The following SPHKAP variants were observed in gnomAD, a reference collection of about 807,000 sequenced individuals.
The protein encoded by SPHKAP is SPHK1 interactor, AKAP domain containing, also known as A-kinase anchor protein SPHKAP.
Under a neutral mutation model 137.5 loss-of-function variants are expected in SPHKAP, and 67 were observed. The observed-to-expected ratio is 0.49, with a 90% confidence interval of 0.40 to 0.60. The LOEUF is 0.60. Among genes scored for constraint, SPHKAP ranks in the 20% least tolerant of loss-of-function variants. The probability of loss-of-function intolerance (pLI) is 0.00; values close to 1 mark genes in which losing one functional copy is unlikely to be tolerated. For missense variants in SPHKAP, 2,097 were observed against 2,069.3 expected, an observed-to-expected ratio of 1.01 and a Z score of -0.26; for synonymous variants, 813 against 785.3, an observed-to-expected ratio of 1.04 and a Z score of -0.59.
chr2:228,019,619 G>A lies in SPHKAP; in HGVS notation c.1235C>T (p.Ser412Phe), dbSNP rs1235287285. 1.2e-6 allele frequency: 2 copies of A among 1,614,104 alleles called. No individual in the cohort carries two copies. Among genetic ancestry groups the A allele is most frequent in the Admixed American group, 1.7e-5 (1 of 60,020 alleles). Reference sequence around the variant, plus strand: ...GACTGCAGATTCCTGGGGTAATGTGGACTGAGATTGAGATAATCTAATAAA... The same window carrying A: ...GACTGCAGATTCCTGGGGTAATGTGAACTGAGATTGAGATAATCTAATAAA... ...DAFIRLSQSQ[S>F]TLPQESAVSV... Residue 412 changes from serine to phenylalanine, a missense_variant, in exon 7 of 12, where the codon TCC becomes TTC. Transcript: ENST00000392056.
chr2:228,108,291 T>G (rs1282533685), intron 3 of SPHKAP, among the ~76,000 whole-genome samples: 1 of 152,190 alleles, frequency 6.6e-6, no homozygotes. Context: ...AGAATTATAT[T>G]GTTTTTCTGG....
chr2:228,069,428 CTCT>C (rs1160894443), intron 3 of SPHKAP, among the ~76,000 whole-genome samples: 10 of 146,976 alleles, frequency 6.8e-5, no homozygotes, highest in Non-Finnish European at 1.5e-4. Context: ...CTTTTTTTTC[CTCT>C]TTTTTCTTTC....
At chr2:228,117,602 T>C (rs1698753103) in intron 2 of SPHKAP, among the ~76,000 whole-genome samples, 1 of 152,174 alleles carries the variant, frequency 6.6e-6, no homozygotes, top group Non-Finnish European at 1.5e-5. Flanking sequence ...TAATGACATC[T>C]TTACTCCAGG....
chr2:228,170,960 T>TAAC (rs1010275929), intron 1 of SPHKAP, among the ~76,000 whole-genome samples: 8 of 152,116 alleles, frequency 5.3e-5, no homozygotes, highest in Non-Finnish European at 1.0e-4. Flanking sequence ...ATATCATGGT[T>TAAC]AACAACAACA....
chr2:228,108,726 T>C, intron 3 of SPHKAP, 106 bp downstream of exon 3: 1 of 733,222 alleles, frequency 1.4e-6, no homozygotes, highest in Non-Finnish European at 2.3e-6. Flanking sequence ...GAATATTTTC[T>C]CAACTTGGTA....
At chr2:228,006,772 G>C (rs1694156298) in intron 7 of SPHKAP, among the ~76,000 whole-genome samples, 1 of 152,178 alleles carries the variant, frequency 6.6e-6, no homozygotes, top group Non-Finnish European at 1.5e-5. Context: ...AGGACCCTCA[G>C]CTGCAGGTCT....
chr2:228,178,590 AT>A (rs1700806246), intron 1 of SPHKAP, among the ~76,000 whole-genome samples: 1 of 152,042 alleles, frequency 6.6e-6, no homozygotes, highest in Non-Finnish European at 1.5e-5. Flanking sequence ...AATCAAATCA[AT>A]TTTCCATAAA....
chr2:228,011,515 T>G (rs951404893), intron 7 of SPHKAP, among the ~76,000 whole-genome samples: 1 of 152,356 alleles, frequency 6.6e-6, no homozygotes, highest in Admixed American at 6.5e-5. Flanking sequence ...ATAATTACTA[T>G]TGTTAAGATT....
intron 3 of SPHKAP, among the ~76,000 whole-genome samples, chr2:228,083,677 C>A (rs2106317883): frequency 6.6e-6 from 1 of 152,210 alleles, no homozygotes; most frequent in African/African-American, 2.4e-5. Flanking sequence ...AGACTTGGAA[C>A]CAACCCAAAT....
chr2:228,150,647 T>C (rs1699901929), intron 1 of SPHKAP, among the ~76,000 whole-genome samples: 1 of 152,114 alleles, frequency 6.6e-6, no homozygotes, highest in South Asian at 2.1e-4. Context: ...TTTATCATTG[T>C]TTTATGGGCT....
At chr2:227,987,252 T>G (rs1693246823) in intron 11 of SPHKAP, among the ~76,000 whole-genome samples, 1 of 152,250 alleles carries the variant, frequency 6.6e-6, no homozygotes, top group Admixed American at 6.5e-5. Flanking sequence ...GACTGTTTCA[T>G]GCCCACATGG....
intron 1 of SPHKAP, among the ~76,000 whole-genome samples, chr2:228,140,343 A>C (rs1034612806): frequency 8.6e-5 from 13 of 151,914 alleles, no homozygotes; most frequent in Admixed American, 6.6e-4. Flanking sequence ...CTAAATCTAG[A>C]CTGTAGTTCA....
intron 1 of SPHKAP, among the ~76,000 whole-genome samples, chr2:228,134,561 G>T (rs761116514): frequency 1.4e-4 from 22 of 152,208 alleles, no homozygotes; most frequent in Non-Finnish European, 2.8e-4. Context: ...CTCTTTGAAT[G>T]CTTTCTTGTC....
At chr2:228,105,762 T>TTC (rs1222439439) in intron 3 of SPHKAP, among the ~76,000 whole-genome samples, 1 of 151,958 alleles carries the variant, frequency 6.6e-6, no homozygotes, top group African/African-American at 2.4e-5. Context: ...GGTTCTCATT[T>TTC]TCTCTTGCCT....
At chr2:228,048,945 A>G (rs535463149) in intron 3 of SPHKAP, among the ~76,000 whole-genome samples, 6 of 152,260 alleles carry the variant, frequency 3.9e-5, no homozygotes, top group African/African-American at 1.4e-4. Flanking sequence ...AATTCTCAGG[A>G]TGCATTCCTG....
At chr2:228,088,508 G>A (rs1574838065) in intron 3 of SPHKAP, among the ~76,000 whole-genome samples, 1 of 152,136 alleles carries the variant, frequency 6.6e-6, no homozygotes, top group Non-Finnish European at 1.5e-5. Flanking sequence ...TTAAGCAGGA[G>A]TACAGGAACA....
intron 3 of SPHKAP, among the ~76,000 whole-genome samples, chr2:228,040,822 T>A (rs780367475): frequency 6.6e-6 from 1 of 152,230 alleles, no homozygotes; most frequent in Non-Finnish European, 1.5e-5. Flanking sequence ...AGACATTTCA[T>A]TTGAATCGAG....
chr2:228,071,951 T>C (rs929522248), intron 3 of SPHKAP, among the ~76,000 whole-genome samples: 1 of 152,234 alleles, frequency 6.6e-6, no homozygotes, highest in Non-Finnish European at 1.5e-5. Context: ...CTACGGAACC[T>C]ATCTGTGTCT....
chr2:227,997,025 CTA>C (rs1450474116), intron 7 of SPHKAP, among the ~76,000 whole-genome samples: 3 of 152,186 alleles, frequency 2.0e-5, no homozygotes, highest in Non-Finnish European at 4.4e-5. Context: ...CTTGCCTGGA[CTA>C]TAGTGCACCA....
Sources: allele counts gnomAD v4.1 joint callset (sites outside exome capture counted in the v4.1 genomes callset), GRCh38; gene constraint gnomAD v4.1.1; transcripts MANE v1.5; gene names NCBI Gene and HGNC (gene_info 2026-07-23, HGNC 2026-07-21).